Variants in OCA2 observed in about 807,000 individuals in gnomAD.
The protein encoded by OCA2 is P protein.
A neutral mutation model predicts 100.2 loss-of-function variants in OCA2; 77 were observed. The ratio of observed to expected loss-of-function variants is 0.77; its 90% CI spans 0.64 to 0.93. The LOEUF (loss-of-function observed/expected upper bound fraction) is 0.93. Among genes scored for constraint, OCA2 ranks in the 40% least tolerant of loss-of-function variants. The pLI is 0.00. For missense variants in OCA2, 1,062 were observed against 1,089.1 expected (o/e 0.98, Z 0.35); for synonymous variants, 432 against 439.2 (o/e 0.98, Z 0.21).
intron 1 of OCA2, 36 bp from the exon 2 acceptor site, chr15:28,081,931 G>A (rs2141900285): frequency 6.6e-7 from 1 of 1,516,210 alleles, no homozygotes; most frequent in East Asian, 2.4e-5. Context: ...CTTCATGAAA[G>A]GCACACTGAG....
chr15:27,903,979 A>AT (rs902308895), intron 19 of OCA2, among the ~76,000 whole-genome samples: 2 of 152,142 alleles, frequency 1.3e-5, no homozygotes, highest in African/African-American at 2.4e-5. Flanking sequence ...TAATGAGGGG[A>AT]TTTTTAAAAA....
chr15:27,988,826 T>C (rs1283856411), intron 11 of OCA2, among the ~76,000 whole-genome samples: 1 of 152,192 alleles, frequency 6.6e-6, no homozygotes, highest in Non-Finnish European at 1.5e-5. Context: ...AGCACTGGCC[T>C]GCCTCCCTGC....
At chr15:27,751,353 C>T (rs1479708681), downstream of OCA2, among the ~76,000 whole-genome samples, 1 of 152,116 alleles carries the variant, frequency 6.6e-6, no homozygotes, top group Non-Finnish European at 1.5e-5. Context: ...TTTCCTATTA[C>T]ATGAGGAAGT....
At chr15:28,056,841 C>T (rs552581855) in intron 2 of OCA2, among the ~76,000 whole-genome samples, 3 of 152,364 alleles carry the variant, frequency 2.0e-5, no homozygotes, top group South Asian at 2.1e-4. Context: ...GTGAGTACCA[C>T]GATGCTGAGT....
At chr15:28,058,525 C>T (rs1437649134) in intron 2 of OCA2, among the ~76,000 whole-genome samples, 3 of 138,968 alleles carry the variant, frequency 2.2e-5, no homozygotes, top group African/African-American at 6.2e-5. Context: ...ACCCTGTGCC[C>T]CTCCACTGCT....
intron 2 of OCA2, among the ~76,000 whole-genome samples, chr15:28,051,449 C>T (rs2043511027): frequency 6.6e-6 from 1 of 152,006 alleles, no homozygotes. Context: ...TGCGCTACCA[C>T]GTCCACCTAA....
chr15:28,065,361 T>C (rs1380117055), intron 2 of OCA2, among the ~76,000 whole-genome samples: 1 of 152,190 alleles, frequency 6.6e-6, no homozygotes, highest in African/African-American at 2.4e-5. Context: ...AGGCAGTCTA[T>C]TGTATGCCTC....
chr15:27,963,448 A>G (rs2040468931), intron 15 of OCA2, among the ~76,000 whole-genome samples: 2 of 152,190 alleles, frequency 1.3e-5, no homozygotes, highest in Admixed American at 6.5e-5. Flanking sequence ...CTCTTACTAC[A>G]GTGGAACTAA....
In OCA2 at chr15:27,894,344, C is replaced by T. The variant is rs1433330983; in HGVS notation, c.2080-22422G>A. Among the ~76,000 whole-genome samples the T allele has an allele frequency of 5.9e-5, 9 of 152,078 alleles. No individual in the cohort carries two copies. In the South Asian group the frequency reaches 1.0e-3, roughly 18 times the overall value. On this transcript the variant is annotated intron_variant, in intron 19 of 23. Coordinates refer to ENST00000354638, the MANE Select transcript of OCA2 (RefSeq NM_000275.3). ...CCTGTGATCTGCAGGTACTGGGAGA[C>T]GCATAGCTAAGATGCCAGGACATCC...
chr15:27,853,844 A>G (rs1307109869), intron 21 of OCA2, among the ~76,000 whole-genome samples: 7 of 152,154 alleles, frequency 4.6e-5, no homozygotes. Flanking sequence ...TGATCTGGAA[A>G]ACATTACACA....
At chr15:27,986,870 G>A (rs1407627268) in intron 11 of OCA2, among the ~76,000 whole-genome samples, 1 of 152,060 alleles carries the variant, frequency 6.6e-6, no homozygotes, top group Admixed American at 6.6e-5. Context: ...GTGTGTCCAG[G>A]GATTTGTCCT....
chr15:27,929,835 CA>C (rs2039182355), intron 18 of OCA2, among the ~76,000 whole-genome samples: 2 of 67,448 alleles, frequency 3.0e-5, no homozygotes. Flanking sequence ...ATATTTTAAA[CA>C]GACACTTCAA....
chr15:27,807,787 G>A (rs2033917312), intron 23 of OCA2, among the ~76,000 whole-genome samples: 1 of 152,204 alleles, frequency 6.6e-6, no homozygotes, highest in African/African-American at 2.4e-5. Context: ...AAGCTCTCTA[G>A]AGCAAAAGTT....
intron 21 of OCA2, among the ~76,000 whole-genome samples, chr15:27,854,295 AG>A (rs1359467950): frequency 6.6e-6 from 1 of 152,168 alleles, no homozygotes; most frequent in Non-Finnish European, 1.5e-5. Context: ...GCCCAGCCCC[AG>A]CGGAGTCCAG....
At chr15:27,943,671 T>TAA (rs66644405) in intron 18 of OCA2, among the ~76,000 whole-genome samples, 181 of 114,854 alleles carry the variant, frequency 1.6e-3, no homozygotes, top group African/African-American at 5.2e-3. Context: ...AAGTATAATT[T>TAA]AAAAAAAAAA....
At chr15:28,080,012 T>C (rs953892990) in intron 2 of OCA2, among the ~76,000 whole-genome samples, 5 of 152,206 alleles carry the variant, frequency 3.3e-5, no homozygotes, top group African/African-American at 7.2e-5. Flanking sequence ...TTGGAACATA[T>C]GCAACATATG....
intron 2 of OCA2, among the ~76,000 whole-genome samples, chr15:28,035,236 T>C (rs1183500609): frequency 6.6e-6 from 1 of 152,220 alleles, no homozygotes; most frequent in Non-Finnish European, 1.5e-5. Context: ...TAGTTAAGCA[T>C]ATAGGTAATC....
chr15:27,969,675 T>A (rs948756048), intron 14 of OCA2, among the ~76,000 whole-genome samples: 2 of 152,010 alleles, frequency 1.3e-5, no homozygotes, highest in Non-Finnish European at 2.9e-5. Flanking sequence ...TGGCCAAATA[T>A]TAGGCACGTA....
intron 19 of OCA2, among the ~76,000 whole-genome samples, chr15:27,916,983 A>G (rs1054760184): frequency 6.6e-6 from 1 of 152,014 alleles, no homozygotes; most frequent in African/African-American, 2.4e-5. Context: ...CAGATGCAAA[A>G]CGAGAGATGA....
Sources: allele counts gnomAD v4.1 joint callset (sites outside exome capture counted in the v4.1 genomes callset), GRCh38; gene constraint gnomAD v4.1.1; transcripts MANE v1.5; gene names NCBI Gene and HGNC (gene_info 2026-07-23, HGNC 2026-07-21).